The following LRP1B variants were observed in gnomAD, a reference collection of about 807,000 sequenced individuals.
The protein encoded by LRP1B is low-density lipoprotein receptor-related protein 1B.
A neutral mutation model predicts 556.6 loss-of-function variants in LRP1B; 217 were observed. The ratio of observed to expected loss-of-function variants is 0.39; its 90% CI spans 0.35 to 0.44. LRP1B has a LOEUF of 0.44. LRP1B is among the 20% of genes least tolerant of loss of function. LRP1B has a pLI of 1.00. For missense variants in LRP1B, 5,053 were observed against 5,620.8 expected (o/e 0.90, Z 3.23); for synonymous variants, 2,047 against 1,865.8 (o/e 1.10, Z -2.50).
At chr2:140,730,608 G>A (rs1687744693) in intron 35 of LRP1B, among the ~76,000 whole-genome samples, 1 of 152,128 alleles carries the variant, frequency 6.6e-6, no homozygotes, top group South Asian at 2.1e-4. Context: ...CACCCAGGCT[G>A]GAGTTCAGTG....
intron 2 of LRP1B, among the ~76,000 whole-genome samples, chr2:141,534,543 C>A (rs1684999640): frequency 1.3e-5 from 2 of 152,090 alleles, no homozygotes; most frequent in Admixed American, 6.6e-5. Context: ...CAACCTACAT[C>A]ATCACTCCTG....
chr2:140,870,623 T>C (rs1010109358), intron 25 of LRP1B, among the ~76,000 whole-genome samples: 1 of 152,184 alleles, frequency 6.6e-6, no homozygotes, highest in African/African-American at 2.4e-5. Context: ...GAAAGTAATG[T>C]TGCAGTACAT....
At chr2:141,962,565 G>A (rs1468085935) in intron 1 of LRP1B, among the ~76,000 whole-genome samples, 1 of 151,634 alleles carries the variant, frequency 6.6e-6, no homozygotes, top group Non-Finnish European at 1.5e-5. Flanking sequence ...ATAAATGCTG[G>A]TCCCTATTTT....
At chr2:142,096,110 C>T (rs1455219212) in intron 1 of LRP1B, among the ~76,000 whole-genome samples, 1 of 151,738 alleles carries the variant, frequency 6.6e-6, no homozygotes, top group African/African-American at 2.4e-5. Flanking sequence ...CTGACATCCT[C>T]TTTTGCAGAA....
intron 1 of LRP1B, among the ~76,000 whole-genome samples, chr2:141,846,942 T>G (rs1471684247): frequency 2.0e-5 from 3 of 151,514 alleles, no homozygotes; most frequent in South Asian, 4.1e-4. Flanking sequence ...AGATGATTGA[T>G]GAACATCAAT....
At chr2:141,548,296 C>G (rs897844630) in intron 2 of LRP1B, among the ~76,000 whole-genome samples, 2 of 152,144 alleles carry the variant, frequency 1.3e-5, no homozygotes, top group Non-Finnish European at 2.9e-5. Context: ...TTGTTGTAGT[C>G]TTTGTCATCC....
Position 140,601,463 on chromosome 2 carries a change from C to T in LRP1B, c.6976G>A (p.Asp2326Asn), listed in dbSNP as rs1682668629. The change falls in exon 42 of 91, where the codon GAT becomes AAT. Residue 2326 changes from aspartate to asparagine, a missense_variant. Physicochemically the swap from Asp to Asn is conservative, Grantham distance 23. Coordinates refer to ENST00000389484, the MANE Select transcript of LRP1B (RefSeq NM_018557.3). ...ACTGTTTCTTACTTTTGACATTCATCCAAGGCTAGCACATGTGGATGGTCA... is the reference window on the plus strand; with the variant it reads ...ACTGTTTCTTACTTTTGACATTCATTCAAGGCTAGCACATGTGGATGGTCA... ...EDDHPHVLAL[D>N]ECQNLMFWTN... is the part of the protein sequence containing the mutation. The T allele has an allele frequency of 2.5e-6, 4 of 1,610,310 alleles. No individual in the cohort carries two copies. The highest frequency in any genetic ancestry group is 3.4e-6 in the Non-Finnish European group (4 of 1,177,760).
intron 7 of LRP1B, among the ~76,000 whole-genome samples, chr2:141,076,628 C>T (rs1699793104): frequency 6.6e-6 from 1 of 152,140 alleles, no homozygotes; most frequent in Non-Finnish European, 1.5e-5. Flanking sequence ...ACAGCACATA[C>T]ACTAAGTTAT....
At chr2:140,297,097 G>GA (rs996697732) in intron 84 of LRP1B, among the ~76,000 whole-genome samples, 10 of 152,078 alleles carry the variant, frequency 6.6e-5, no homozygotes, top group Non-Finnish European at 4.4e-5. Flanking sequence ...CAGGACTTGA[G>GA]ATGGAGAGCA....
At chr2:141,134,051 G>A (rs918046719) in intron 7 of LRP1B, among the ~76,000 whole-genome samples, 2 of 151,676 alleles carry the variant, frequency 1.3e-5, no homozygotes, top group Non-Finnish European at 2.9e-5. Context: ...TCAGTGACTA[G>A]TACCACCATG....
chr2:141,578,595 C>A (rs956644457), intron 2 of LRP1B, among the ~76,000 whole-genome samples: 2 of 151,930 alleles, frequency 1.3e-5, no homozygotes, highest in African/African-American at 4.8e-5. Context: ...TAGAAATGTT[C>A]CCAATTTATA....
At chr2:140,475,023 G>T in intron 60 of LRP1B, 115 bp downstream of exon 60, 1 of 405,876 alleles carries the variant, frequency 2.5e-6, no homozygotes, top group Non-Finnish European at 3.9e-6. Context: ...GTATAATAAT[G>T]TAACCTTAAA....
intron 1 of LRP1B, among the ~76,000 whole-genome samples, chr2:141,881,744 A>C (rs11693445): frequency 0.42 from 63,831 of 151,872 alleles, 13,577 homozygotes; most frequent in East Asian, 0.55. Flanking sequence ...CCTACAAAAA[A>C]TATACTCTAA....
intron 18 of LRP1B, among the ~76,000 whole-genome samples, chr2:140,962,044 T>C (rs941245254): frequency 3.9e-5 from 6 of 152,184 alleles, no homozygotes; most frequent in African/African-American, 1.4e-4. Context: ...CCGACTTTCT[T>C]TAGCTAAATG....
intron 2 of LRP1B, among the ~76,000 whole-genome samples, chr2:141,498,120 T>C (rs891485769): frequency 6.6e-6 from 1 of 152,054 alleles, no homozygotes; most frequent in Non-Finnish European, 1.5e-5. Flanking sequence ...GATGCTAAGA[T>C]ACTATAAAGT....
chr2:140,840,362 T>C (rs1692062549), intron 30 of LRP1B, among the ~76,000 whole-genome samples: 1 of 152,210 alleles, frequency 6.6e-6, no homozygotes, highest in African/African-American at 2.4e-5. Context: ...GCTAAGACTA[T>C]AGTAAATTAT....
At chr2:141,815,940 G>C (rs1475685681) in intron 1 of LRP1B, among the ~76,000 whole-genome samples, 1 of 152,172 alleles carries the variant, frequency 6.6e-6, no homozygotes, top group Non-Finnish European at 1.5e-5. Context: ...GGGTGGTAAA[G>C]GTTTAGAATG....
intron 1 of LRP1B, among the ~76,000 whole-genome samples, chr2:142,066,901 T>C (rs72849834): frequency 0.11 from 16,937 of 151,428 alleles, 1,363 homozygotes; most frequent in Non-Finnish European, 0.15. Flanking sequence ...TGAACTACTT[T>C]GGTACCATGG....
At chr2:140,498,391 G>A (rs1196513358) in intron 55 of LRP1B, among the ~76,000 whole-genome samples, 1 of 151,558 alleles carries the variant, frequency 6.6e-6, no homozygotes, top group African/African-American at 2.4e-5. Flanking sequence ...TTCCCTCCCA[G>A]AAGTACATTT....
Sources: gnomAD v4.1 joint callset for allele counts (sites outside exome capture counted in the v4.1 genomes callset) on GRCh38, gnomAD v4.1.1 for gene constraint, MANE v1.5 for transcripts, NCBI Gene and HGNC (gene_info 2026-07-23, HGNC 2026-07-21) for gene names.